The following FOXP2 variants were observed in gnomAD, a reference collection of about 807,000 sequenced individuals.
FOXP2 encodes forkhead box protein P2.
In FOXP2, 12 loss-of-function variants were observed where a neutral mutation model predicts 115.8. The observed-to-expected ratio is 0.10, with a 90% CI of 0.07 to 0.17. The LOEUF is 0.17. FOXP2 is among the 10% of genes least tolerant of loss of function. The probability of loss-of-function intolerance (pLI) is 1.00; values close to 1 mark genes in which losing one functional copy is unlikely to be tolerated. For synonymous variants in FOXP2, 328 were observed against 297.7 expected, an observed-to-expected ratio of 1.10 and a Z score of -1.05; for missense variants, 629 against 843.5, an observed-to-expected ratio of 0.75 and a Z score of 3.15.
At chr7:114,463,085 G>C (rs1795650310) in intron 2 of FOXP2, 1 of 430,676 alleles carries the variant, frequency 2.3e-6, no homozygotes, top group Admixed American at 2.6e-5. Flanking sequence ...CTGGAGTGCA[G>C]TGGTGCAATC....
rs369945578 is a variant in FOXP2, at chr7:114,471,817, G to T, written c.168+45138G>T. Among the ~76,000 whole-genome samples, 49 of 151,726 alleles carry T rather than the reference G, an allele frequency of 3.2e-4. 1 individual carries two copies. The East Asian group carries it at 6.0e-3, about 19-fold the overall frequency. On this transcript the variant is annotated intron_variant, in intron 2 of 16. Coordinates refer to ENST00000350908, the MANE Select transcript of FOXP2 (RefSeq NM_014491.4). ...ATACAAAAAAAAAAAAAAATTAGCT[G>T]GGCATGGTGGCGGGCACCTGTAATC...
chr7:114,128,035 T>A (rs1012662623), intron 1 of FOXP2, among the ~76,000 whole-genome samples: 1 of 152,224 alleles, frequency 6.6e-6, no homozygotes, highest in Non-Finnish European at 1.5e-5. Context: ...ATGACATAGT[T>A]ATCTGCATAT....
chr7:114,469,745 T>C (rs1359622673), intron 2 of FOXP2, among the ~76,000 whole-genome samples: 1 of 152,134 alleles, frequency 6.6e-6, no homozygotes, highest in African/African-American at 2.4e-5. Context: ...CCATAGTATG[T>C]CAAAGGAAAA....
At chr7:114,609,825 T>C (rs1167744363) in intron 3 of FOXP2, among the ~76,000 whole-genome samples, 1 of 152,356 alleles carries the variant, frequency 6.6e-6, no homozygotes, top group African/African-American at 2.4e-5. Context: ...AACATTCCCA[T>C]TGTCAGCTCT....
chr7:114,098,947 C>T (rs1179863385), intron 1 of FOXP2, among the ~76,000 whole-genome samples: 1 of 152,000 alleles, frequency 6.6e-6, no homozygotes, highest in Admixed American at 6.6e-5. Flanking sequence ...ATCACATGGG[C>T]AACATGGTGA....
rs758714987 is a variant in FOXP2, at chr7:114,689,891, A to G, written c.2113A>G (p.Ile705Val). The G allele has an allele frequency of 2.5e-6, 4 of 1,613,504 alleles. No individual in the cohort carries two copies. The South Asian group carries it at 3.3e-5, about 13-fold the overall frequency. Residue 705 changes from isoleucine (I) to valine (V), a missense_variant, in exon 17 of 17, where the codon ATT (isoleucine) becomes GTT (valine). Ile to Val is a conservative substitution (Grantham distance 29, BLOSUM62 3). This residue lies in a region of FOXP2 where 117 missense variants were observed against 112.3 expected (regional missense o/e 1.04). Transcript: ENST00000350908. ...HSPELEDDREIEEEPLSEDLE is the reference protein window; with the variant it reads ...HSPELEDDREVEEEPLSEDLE Reference sequence around the variant, plus strand: ...TCCAGAATTAGAAGACGACAGAGAGATTGAAGAAGAGCCTTTATCTGAAGA... The same window carrying G: ...TCCAGAATTAGAAGACGACAGAGAGGTTGAAGAAGAGCCTTTATCTGAAGA...
chr7:114,442,604 C>T (rs1794655076), intron 2 of FOXP2, among the ~76,000 whole-genome samples: 1 of 152,142 alleles, frequency 6.6e-6, no homozygotes, highest in South Asian at 2.1e-4. Flanking sequence ...ACTACAGGCA[C>T]ATGCCATCAT....
intron 3 of FOXP2, among the ~76,000 whole-genome samples, chr7:114,547,107 A>G (rs1799963304): frequency 6.6e-6 from 1 of 151,820 alleles, no homozygotes; most frequent in African/African-American, 2.4e-5. Flanking sequence ...ACATTACCCA[A>G]CTCTCTCTCA....
At chr7:114,402,796 A>G (rs933817694) in intron 2 of FOXP2, among the ~76,000 whole-genome samples, 7 of 151,528 alleles carry the variant, frequency 4.6e-5, no homozygotes, top group African/African-American at 1.7e-4. Flanking sequence ...CCGGATATTG[A>G]TTTTTGTTTG....
intron 1 of FOXP2, among the ~76,000 whole-genome samples, chr7:114,268,316 GA>G (rs1219260102): frequency 1.3e-5 from 2 of 152,094 alleles, no homozygotes. Flanking sequence ...GTAGGACATG[GA>G]ATTAAAGTCA....
intron 2 of FOXP2, among the ~76,000 whole-genome samples, chr7:114,480,527 A>G (rs551846404): frequency 6.6e-6 from 1 of 150,408 alleles, no homozygotes; most frequent in South Asian, 2.1e-4. Flanking sequence ...TTTTATATAT[A>G]TATGCACACA....
At chr7:114,487,291 C>T (rs1180589900) in intron 2 of FOXP2, among the ~76,000 whole-genome samples, 1 of 152,168 alleles carries the variant, frequency 6.6e-6, no homozygotes, top group African/African-American at 2.4e-5. Flanking sequence ...TGTACCTTGA[C>T]CCTTTTTATC....
intron 2 of FOXP2, among the ~76,000 whole-genome samples, chr7:114,519,747 T>C (rs1287426511): frequency 6.6e-6 from 1 of 152,070 alleles, no homozygotes; most frequent in Non-Finnish European, 1.5e-5. Flanking sequence ...ATGGAATAGG[T>C]TTAATGTCTT....
At chr7:114,598,689 C>A (rs146569683) in intron 3 of FOXP2, among the ~76,000 whole-genome samples, 66 of 152,160 alleles carry the variant, frequency 4.3e-4, no homozygotes, top group Middle Eastern at 6.8e-3. Flanking sequence ...GTTGTGCAAC[C>A]AGTCTCCAGA....
At chr7:114,435,879 C>T (rs564980918) in intron 2 of FOXP2, among the ~76,000 whole-genome samples, 7 of 151,924 alleles carry the variant, frequency 4.6e-5, no homozygotes, top group South Asian at 4.1e-4. Context: ...GTTAGATAGC[C>T]GTTAAAGATT....
intron 2 of FOXP2, among the ~76,000 whole-genome samples, chr7:114,381,958 A>T (rs902848789): frequency 1.3e-5 from 2 of 152,112 alleles, no homozygotes; most frequent in African/African-American, 4.8e-5. Context: ...CTTCAGGATT[A>T]ATTCCTTCCT....
chr7:114,094,877 A>G lies in FOXP2; in HGVS notation c.-247+7039A>G, dbSNP rs542248145. On this transcript the variant is annotated intron_variant, in intron 1 of 19. Transcript: ENST00000635638. ...GTCTCGCTATGTTGTCCAGGTTGGGAAAAAAAACCCACAAAACTATTAACT... is the reference window on the plus strand; with the variant it reads ...GTCTCGCTATGTTGTCCAGGTTGGGGAAAAAAACCCACAAAACTATTAACT... 4.2e-4 allele frequency among the ~76,000 whole-genome samples: 63 copies of G among 151,732 alleles called. No individual in the cohort carries two copies. The East Asian group carries it at 0.011, about 28-fold the overall frequency.
chr7:114,140,352 G>GA (rs1792172093), intron 1 of FOXP2, among the ~76,000 whole-genome samples: 1 of 152,090 alleles, frequency 6.6e-6, no homozygotes, highest in Non-Finnish European at 1.5e-5. Context: ...AATCTGCCTA[G>GA]AAAAAAATGT....
At chr7:114,210,768 C>A (rs1794326233) in intron 1 of FOXP2, among the ~76,000 whole-genome samples, 1 of 152,108 alleles carries the variant, frequency 6.6e-6, no homozygotes, top group Non-Finnish European at 1.5e-5. Context: ...AACCAAACTG[C>A]AGAAATGGCG....
Sources: gnomAD v4.1 joint callset for allele counts (sites outside exome capture counted in the v4.1 genomes callset) on GRCh38, gnomAD v4.1.1 for gene constraint, gnomAD v4.1.1 regional missense constraint, MANE v1.5 for transcripts, NCBI Gene and HGNC (gene_info 2026-07-23, HGNC 2026-07-21) for gene names.